DERA: variants seen among roughly 807,000 people sequenced by gnomAD.
The protein encoded by DERA is 2-deoxy-D-ribose 5-phosphate aldolase.
DERA carries 15 observed loss-of-function variants against 41.1 expected under a neutral mutation model. That is an observed-to-expected ratio of 0.37 (90% confidence interval 0.24 to 0.56). The LOEUF (loss-of-function observed/expected upper bound fraction) is 0.56, where lower values mean the gene tolerates loss of function less well. DERA is among the 20% of genes least tolerant of loss of function. The pLI, the probability that DERA is intolerant of heterozygous loss-of-function variation, is 0.81. For missense variants in DERA, 396 were observed against 403.4 expected (o/e 0.98, Z 0.16); for synonymous variants, 139 against 137.4 (o/e 1.01, Z -0.08).
In DERA at chr12:15,921,795, G is replaced by A. The variant is rs1202335650; in HGVS notation, c.31+10381G>A. Among the ~76,000 whole-genome samples the A allele has an allele frequency of 1.3e-5, 2 of 151,848 alleles. No individual in the cohort carries two copies. Among genetic ancestry groups the A allele is most frequent in the African/African-American group, 2.4e-5 (1 of 41,296 alleles). The stretch of plus-strand genomic sequence containing the variant: ...AAAAAAATTAACCGGGCTTGGTGGC[G>A]AGCGCCTGTAATCCCAGCTACTCGG... On this transcript the variant is annotated intron_variant, in intron 1 of 8. Coordinates refer to ENST00000428559, the MANE Select transcript of DERA (RefSeq NM_015954.4). The surrounding 1 kb of genome is among the most constrained non-coding windows in gnomAD (Gnocchi z 5.3).
intron 5 of DERA, among the ~76,000 whole-genome samples, chr12:15,977,133 A>G (rs1948702617): frequency 6.6e-6 from 1 of 152,214 alleles, no homozygotes; most frequent in African/African-American, 2.4e-5. Flanking sequence ...TTCCCCTAGA[A>G]GAATGAAAAC....
intron 6 of DERA, among the ~76,000 whole-genome samples, chr12:16,005,276 T>G (rs984430912): frequency 2.6e-5 from 4 of 151,990 alleles, no homozygotes; most frequent in Non-Finnish European, 4.4e-5. Context: ...AGACCCTGTC[T>G]CTACAAAAAA....
rs140977556 is a variant in DERA, at chr12:16,030,607, GATTA to G, written c.638-1930_638-1927del. ...CTTCATTCAATCTCTATTTGGATTTGATTAATTAGAGATGCTCTTATGATAACTC... is the reference window on the plus strand; with the variant it reads ...CTTCATTCAATCTCTATTTGGATTTGATTAGAGATGCTCTTATGATAACTC... On this transcript the variant is annotated intron_variant, in intron 6 of 8. Coordinates refer to ENST00000428559, the MANE Select transcript of DERA (RefSeq NM_015954.4). 6.3e-3 allele frequency among the ~76,000 whole-genome samples: 961 copies of G among 152,250 alleles called. 10 individuals are homozygous for G. Among genetic ancestry groups the G allele is most frequent in the East Asian group, 0.041 (213 of 5,174 alleles).
rs1948698076 is a variant in DERA at position 15,976,450 on chromosome 12, G to A, written c.509-5858G>A. Among the ~76,000 whole-genome samples the A allele has an allele frequency of 6.6e-6, 1 of 152,062 alleles. No individual in the cohort carries two copies. The highest frequency in any genetic ancestry group is 1.5e-5 in the Non-Finnish European group (1 of 68,020). On this transcript the variant is annotated intron_variant, in intron 5 of 8. Transcript: ENST00000428559. This position sits in a 1 kb window ranked among gnomAD's most constrained non-coding sequence, Gnocchi z 4.1. ...GTTGCCATGATGTAGCAACATGCAGGCCAAGAATTTCTCTAGGCCCCAGTG... is the reference window on the plus strand; with the variant it reads ...GTTGCCATGATGTAGCAACATGCAGACCAAGAATTTCTCTAGGCCCCAGTG...
In DERA at chr12:16,032,601, G is replaced by T. The variant is rs773068776; in HGVS notation, c.697G>T (p.Ala233Ser). 15 of 1,568,154 alleles carry T rather than the reference G, an allele frequency of 9.6e-6. No individual in the cohort carries two copies. The highest frequency in any genetic ancestry group is 1.2e-5 in the Non-Finnish European group (14 of 1,155,678). ...KETVNATFPVAIVMLRAIRDF... is the reference protein window; with the variant it reads ...KETVNATFPVSIVMLRAIRDF... Reference sequence around the variant, plus strand: ...AACAGTAAATGCCACCTTCCCGGTAGCTATAGTAATGCTGCGGGCCATTAG... The same window carrying T: ...AACAGTAAATGCCACCTTCCCGGTATCTATAGTAATGCTGCGGGCCATTAG... The change falls in exon 7 of 9, where the codon GCT (alanine) becomes TCT (serine). Residue 233 changes from alanine (A) to serine (S), a missense_variant. Transcript: ENST00000428559.
intron 1 of DERA, among the ~76,000 whole-genome samples, chr12:15,945,479 G>T (rs375216138): frequency 2.6e-5 from 4 of 152,064 alleles, no homozygotes; most frequent in Non-Finnish European, 4.4e-5. Context: ...GGTATTTTAT[G>T]CTCTTTGAAG....
At chr12:15,925,842 TTTTGAGACAGAGTCTTA>T (rs1356053112) in intron 1 of DERA, among the ~76,000 whole-genome samples, 17 of 144,538 alleles carry the variant, frequency 1.2e-4, no homozygotes, top group Non-Finnish European at 2.4e-4. Flanking sequence ...TTTTTTTTTT[TTTTGAGACAGAGTCTTA>T]CTCTGTCACC....
chr12:15,960,436 G>A (rs551608093), intron 4 of DERA, among the ~76,000 whole-genome samples: 4 of 151,196 alleles, frequency 2.6e-5, no homozygotes, highest in African/African-American at 4.8e-5. Flanking sequence ...TCAGGAGTAC[G>A]AGACCAGCCT....
intron 1 of DERA, among the ~76,000 whole-genome samples, chr12:15,927,363 GATAA>G (rs1948294717): frequency 6.6e-6 from 1 of 152,108 alleles, no homozygotes; most frequent in East Asian, 1.9e-4. Context: ...GACTATTTTA[GATAA>G]ATAATCAGAG....
At chr12:16,005,065 G>T (rs117272981) in intron 6 of DERA, among the ~76,000 whole-genome samples, 1 of 152,102 alleles carries the variant, frequency 6.6e-6, no homozygotes, top group Non-Finnish European at 1.5e-5. Context: ...TTCATTTCAC[G>T]CAGTCTACTT....
intron 1 of DERA, among the ~76,000 whole-genome samples, chr12:15,949,112 G>A (rs976859544): frequency 1.3e-5 from 2 of 152,130 alleles, no homozygotes; most frequent in Non-Finnish European, 2.9e-5. Flanking sequence ...TGCTCCTACT[G>A]GGGGGTGCCT....
rs752744298 is a variant in DERA at position 15,924,527 on chromosome 12, C to A, written c.31+13113C>A. On this transcript the variant is annotated intron_variant, in intron 1 of 8. Coordinates refer to ENST00000428559, the MANE Select transcript of DERA (RefSeq NM_015954.4). The surrounding 1 kb of genome is among the most constrained non-coding windows in gnomAD (Gnocchi z 5.0). ...GAATTATAGAGATCTGTGTTTCCAT[C>A]TTAGCCCTGACAAGTATGGTGTGAC... 1.3e-5 allele frequency among the ~76,000 whole-genome samples: 2 copies of A among 152,164 alleles called. No homozygotes were observed. Among genetic ancestry groups the A allele is most frequent in the Non-Finnish European group, 1.5e-5 (1 of 68,036 alleles).
At position 15,937,119 on chromosome 12, in the gene DERA, C is replaced by T. The variant is rs74495080; in HGVS notation, c.32-19817C>T. The stretch of plus-strand genomic sequence containing the variant: ...ACTGGCATGCACCAGCACGACCTGG[C>T]TAATTTTTAATTTTTTTGTAGAGAC... On this transcript the variant is annotated intron_variant, in intron 1 of 8. Transcript: ENST00000428559. Among the ~76,000 whole-genome samples the T allele has an allele frequency of 5.8e-3, 889 of 152,172 alleles. 10 individuals are homozygous for T. The highest frequency in any genetic ancestry group is 0.014 in the Middle Eastern group (4 of 294).
rs572862755 is a variant in DERA, at chr12:15,968,799, C to G, written c.508+5852C>G. ...TCCTTGCCAGCTGCAGTGTTGCCTTCTCTTTCTCCCTCCTCCTGCCCCGAT... is the reference window on the plus strand; with the variant it reads ...TCCTTGCCAGCTGCAGTGTTGCCTTGTCTTTCTCCCTCCTCCTGCCCCGAT... On this transcript the variant is annotated intron_variant, in intron 5 of 8. Transcript: ENST00000428559. Among the ~76,000 whole-genome samples, 588 of 152,320 alleles carry G rather than the reference C, an allele frequency of 3.9e-3. 3 individuals carry two copies. The highest frequency in any genetic ancestry group is 0.013 in the African/African-American group (561 of 41,568).
At chr12:15,963,459 A>T (rs926617776) in intron 5 of DERA, among the ~76,000 whole-genome samples, 1 of 152,226 alleles carries the variant, frequency 6.6e-6, no homozygotes, top group Non-Finnish European at 1.5e-5. Context: ...GATGACTATC[A>T]TGAAATTAAT....
In DERA at chr12:15,958,217, T is replaced by C. The variant is rs766011806; in HGVS notation, c.159T>C (p.Phe53=). 4.4e-6 allele frequency: 7 copies of C among 1,585,132 alleles called. No individual in the cohort carries two copies. The highest frequency in any genetic ancestry group is 6.0e-6 in the Non-Finnish European group (7 of 1,164,958). ...QAAWLLKAVT[F]IDLTTLSGDD... Reference sequence around the variant, plus strand: ...CTTGGCTCCTGAAAGCTGTTACCTTTATAGATCTTACTACACTTTCAGGTG... The same window carrying C: ...CTTGGCTCCTGAAAGCTGTTACCTTCATAGATCTTACTACACTTTCAGGTG... The change falls in exon 3 of 9, where the codon TTT becomes TTC. Residue 53 remains phenylalanine (F), a synonymous_variant. Transcript: ENST00000428559.
rs1781024504 is a variant in DERA, at chr12:16,001,126, C to G, written c.637+18690C>G. Among the ~76,000 whole-genome samples, 1 of 152,166 alleles carries G rather than the reference C, an allele frequency of 6.6e-6. No individual in the cohort carries two copies. On this transcript the variant is annotated intron_variant, in intron 6 of 8. Coordinates refer to ENST00000428559, the MANE Select transcript of DERA (RefSeq NM_015954.4). The surrounding 1 kb of genome is among the most constrained non-coding windows in gnomAD (Gnocchi z 4.1). Reference sequence around the variant, plus strand: ...TCCATAAACGCATACCCAGGCAGAGCTGATACTCTATTTCTTCCTGCTAAA... The same window carrying G: ...TCCATAAACGCATACCCAGGCAGAGGTGATACTCTATTTCTTCCTGCTAAA...
intron 5 of DERA, among the ~76,000 whole-genome samples, chr12:15,974,829 G>A (rs1948686526): frequency 6.6e-6 from 1 of 151,952 alleles, no homozygotes. Flanking sequence ...ACCAAATCTG[G>A]GCATGATGTG....
At chr12:16,027,414 A>T (rs1949060576) in intron 6 of DERA, among the ~76,000 whole-genome samples, 1 of 152,288 alleles carries the variant, frequency 6.6e-6, no homozygotes, top group African/African-American at 2.4e-5. Context: ...TGGGAAAAAG[A>T]GCTGTTGCAG....
Sources: gnomAD v4.1 joint callset for allele counts (sites outside exome capture counted in the v4.1 genomes callset) on GRCh38, gnomAD v4.1.1 for gene constraint, Gnocchi (gnomAD v3.1) non-coding constraint, MANE v1.5 for transcripts, NCBI Gene and HGNC (gene_info 2026-07-23, HGNC 2026-07-21) for gene names.